The following STXBP6 variants were observed in gnomAD, a reference collection of about 807,000 sequenced individuals.
STXBP6 encodes syntaxin-binding protein 6.
STXBP6 carries 21 observed loss-of-function variants against 26.9 expected under a neutral mutation model. The ratio of observed to expected loss-of-function variants is 0.78; its 90% confidence interval spans 0.55 to 1.12. STXBP6 has a LOEUF of 1.12. STXBP6 is among the 50% of genes most tolerant of loss of function. STXBP6 has a pLI of 0.00. For synonymous variants in STXBP6, 97 were observed against 92.6 expected (o/e 1.05, Z -0.27); for missense variants, 232 against 257.9 (o/e 0.90, Z 0.69).
intron 1 of STXBP6, among the ~76,000 whole-genome samples, chr14:25,028,724 G>A (rs1311407899): frequency 3.9e-5 from 6 of 152,028 alleles, no homozygotes; most frequent in African/African-American, 1.2e-4. Flanking sequence ...TGATTCCTCC[G>A]ATGTATCTGG....
chr14:24,983,928 G>T (rs2074262939), intron 1 of STXBP6, among the ~76,000 whole-genome samples: 1 of 152,134 alleles, frequency 6.6e-6, no homozygotes, highest in South Asian at 2.1e-4. Flanking sequence ...TTTTAAATCA[G>T]AGCAAAACTT....
chr14:24,953,911 C>G (rs1488754873), intron 2 of STXBP6, among the ~76,000 whole-genome samples: 1 of 152,154 alleles, frequency 6.6e-6, no homozygotes, highest in East Asian at 1.9e-4. Context: ...AGAAACATTA[C>G]TTGCTGTTCT....
At chr14:24,999,558 T>C (rs1423609600) in intron 1 of STXBP6, among the ~76,000 whole-genome samples, 2 of 152,226 alleles carry the variant, frequency 1.3e-5, no homozygotes, top group Non-Finnish European at 2.9e-5. Flanking sequence ...TGGCGTATTA[T>C]GTGACATTAG....
At chr14:24,889,046 T>G (rs1262509700) in intron 2 of STXBP6, among the ~76,000 whole-genome samples, 1 of 151,844 alleles carries the variant, frequency 6.6e-6, no homozygotes, top group South Asian at 2.1e-4. Context: ...AAAAAAATCA[T>G]GAAGATGGTG....
chr14:24,863,469 G>A (rs1372286726), intron 2 of STXBP6, among the ~76,000 whole-genome samples: 1 of 152,080 alleles, frequency 6.6e-6, no homozygotes, highest in Non-Finnish European at 1.5e-5. Context: ...TCAAAATTCA[G>A]CCACAGTTTT....
chr14:24,839,248 TTTCCCACAC>T (rs1459721925), intron 4 of STXBP6, among the ~76,000 whole-genome samples: 1 of 152,134 alleles, frequency 6.6e-6, no homozygotes, highest in Non-Finnish European at 1.5e-5. Flanking sequence ...TAATCTGACA[TTTCCCACAC>T]GGAGAGAAAG....
chr14:24,884,665 T>G (rs765927132), intron 2 of STXBP6, among the ~76,000 whole-genome samples: 5 of 152,178 alleles, frequency 3.3e-5, no homozygotes, highest in African/African-American at 4.8e-5. Context: ...TGCACCAAAG[T>G]AGTTCTCCTG....
At chr14:24,998,998 C>T (rs917452178) in intron 1 of STXBP6, among the ~76,000 whole-genome samples, 13 of 152,062 alleles carry the variant, frequency 8.5e-5, no homozygotes, top group Admixed American at 2.6e-4. Context: ...CTTCAAGTTA[C>T]GTATTATATA....
At chr14:24,893,990 C>A (rs886702716) in intron 2 of STXBP6, among the ~76,000 whole-genome samples, 4 of 151,964 alleles carry the variant, frequency 2.6e-5, no homozygotes, top group Non-Finnish European at 5.9e-5. Flanking sequence ...AGGGTTATAG[C>A]ATCAAATCAG....
intron 1 of STXBP6, among the ~76,000 whole-genome samples, chr14:24,999,883 G>A (rs922969466): frequency 6.6e-6 from 1 of 152,190 alleles, no homozygotes; most frequent in Non-Finnish European, 1.5e-5. Flanking sequence ...CTAGCAGGAA[G>A]AATAGTGTTA....
At chr14:24,969,968 G>A (rs2073853249) in intron 2 of STXBP6, among the ~76,000 whole-genome samples, 1 of 152,224 alleles carries the variant, frequency 6.6e-6, no homozygotes, top group South Asian at 2.1e-4. Context: ...TCGGCCGGGT[G>A]TGGTGGCTCA....
intron 4 of STXBP6, among the ~76,000 whole-genome samples, chr14:24,840,150 G>A (rs961543817): frequency 5.9e-5 from 9 of 152,164 alleles, no homozygotes; most frequent in African/African-American, 1.9e-4. Context: ...AATTGCCCAA[G>A]GATATACTTA....
chr14:25,008,663 C>A (rs1219231579), intron 1 of STXBP6, among the ~76,000 whole-genome samples: 1 of 152,150 alleles, frequency 6.6e-6, no homozygotes, highest in African/African-American at 2.4e-5. Context: ...CCTCTTTATT[C>A]ATTTTTCTGT....
At chr14:24,991,071 C>G (rs2074461847) in intron 1 of STXBP6, among the ~76,000 whole-genome samples, 1 of 146,850 alleles carries the variant, frequency 6.8e-6, no homozygotes. Context: ...AGAGGAGAGG[C>G]AGCAGAGGAG....
At chr14:24,850,277 T>C (rs926226247) in intron 4 of STXBP6, among the ~76,000 whole-genome samples, 2 of 152,010 alleles carry the variant, frequency 1.3e-5, no homozygotes, top group Non-Finnish European at 2.9e-5. Flanking sequence ...GGGTTTCCTT[T>C]AGCATACCAA....
intron 4 of STXBP6, among the ~76,000 whole-genome samples, chr14:24,819,967 T>C (rs2068092411): frequency 6.6e-6 from 1 of 152,214 alleles, no homozygotes; most frequent in Non-Finnish European, 1.5e-5. Context: ...GGAGTGGTGA[T>C]ACCAAGAAGG....
rs538532407 is a variant in STXBP6, at chr14:25,009,752, T to C, written c.-32-34902A>G. Among the ~76,000 whole-genome samples the C allele has an allele frequency of 5.9e-5, 9 of 152,214 alleles. No individual in the cohort carries two copies. In the East Asian group the frequency reaches 1.7e-3, roughly 29 times the overall value. On this transcript the variant is annotated intron_variant, in intron 1 of 5. Coordinates refer to ENST00000323944, the MANE Select transcript of STXBP6 (RefSeq NM_001394410.1). ...AAAACAACATCACACACACACAAAC[T>C]GCATTTAGAACCAAGCCAAATACCA...
chr14:25,048,578 G>A (rs2075759095), intron 1 of STXBP6, among the ~76,000 whole-genome samples: 1 of 152,134 alleles, frequency 6.6e-6, no homozygotes, highest in African/African-American at 2.4e-5. Context: ...GCAGTGTGAG[G>A]GTGTCCCTTT....
chr14:24,909,728 T>C (rs182073870), intron 2 of STXBP6, among the ~76,000 whole-genome samples: 1 of 151,678 alleles, frequency 6.6e-6, no homozygotes, highest in Admixed American at 6.6e-5. Context: ...TATGAGAATT[T>C]TTTTTTTTTG....
Sources: allele counts gnomAD v4.1 joint callset (sites outside exome capture counted in the v4.1 genomes callset), GRCh38; gene constraint gnomAD v4.1.1; transcripts MANE v1.5; gene names NCBI Gene and HGNC (gene_info 2026-07-23, HGNC 2026-07-21).